SLC30A8: variants seen among roughly 807,000 people sequenced by gnomAD.
SLC30A8 encodes the protein solute carrier family 30 member 8.
A neutral mutation model predicts 36.9 loss-of-function variants in SLC30A8; 27 were observed. The observed-to-expected ratio is 0.73, with a 90% CI of 0.54 to 1.01. The LOEUF (loss-of-function observed/expected upper bound fraction) is 1.01. Ranked by LOEUF, SLC30A8 falls within the 50% of genes least tolerant of loss-of-function variation. The pLI is 0.00. For missense variants in SLC30A8, 439 were observed against 452.0 expected, an observed-to-expected ratio of 0.97 and a Z score of 0.26; for synonymous variants, 164 against 172.4, an observed-to-expected ratio of 0.95 and a Z score of 0.38.
chr8:117,038,616 A>G lies in SLC30A8; in HGVS notation c.-265-603A>G, dbSNP rs115860250. Among the ~76,000 whole-genome samples, 988 of 152,330 alleles carry G rather than the reference A, an allele frequency of 6.5e-3. 17 individuals carry two copies. Among genetic ancestry groups the G allele is most frequent in the African/African-American group, 0.023 (937 of 41,564 alleles). Reference sequence around the variant, plus strand: ...CATCCGTAGATCATTGTGCATGTGGACATAGCTGTAGAAAAAAATCACTAG... The same window carrying G: ...CATCCGTAGATCATTGTGCATGTGGGCATAGCTGTAGAAAAAAATCACTAG... On this transcript the variant is annotated intron_variant, in intron 1 of 10. Coordinates refer to the SLC30A8 transcript ENST00000427715.
chr8:117,061,962 T>A (rs989708554), intron 2 of SLC30A8, among the ~76,000 whole-genome samples: 2 of 152,218 alleles, frequency 1.3e-5, no homozygotes, highest in African/African-American at 4.8e-5. Context: ...CAGGGTGTTA[T>A]GTTATTGAGA....
At chr8:116,975,163 A>G (rs1490999157) in intron 1 of SLC30A8, among the ~76,000 whole-genome samples, 1 of 152,138 alleles carries the variant, frequency 6.6e-6, no homozygotes, top group Non-Finnish European at 1.5e-5. Flanking sequence ...CATTGTGCAC[A>G]TGTACCCTAG....
At chr8:117,049,338 G>C (rs774947696) in intron 2 of SLC30A8, among the ~76,000 whole-genome samples, 7 of 152,186 alleles carry the variant, frequency 4.6e-5, no homozygotes, top group Non-Finnish European at 1.0e-4. Flanking sequence ...TGTATACGTA[G>C]TTACAGAAAC....
chr8:117,120,718 G>C (rs778215286), intron 2 of SLC30A8, among the ~76,000 whole-genome samples: 8 of 151,626 alleles, frequency 5.3e-5, no homozygotes, highest in Non-Finnish European at 1.0e-4. Context: ...CTGATATGGG[G>C]TTAATATCTA....
intron 2 of SLC30A8, among the ~76,000 whole-genome samples, chr8:117,051,420 C>T (rs1054794194): frequency 6.6e-6 from 1 of 152,170 alleles, no homozygotes; most frequent in Non-Finnish European, 1.5e-5. Flanking sequence ...ATGGGAGATG[C>T]TTGGGTCAAG....
Position 117,174,571 on chromosome 8 carries a change from T to C in SLC30A8, c.*1890T>C, listed in dbSNP as rs1428420109. 6.6e-6 allele frequency: 1 copy of C among 152,574 alleles called. No individual in the cohort carries two copies. Among genetic ancestry groups the C allele is most frequent in the Non-Finnish European group, 1.5e-5 (1 of 68,020 alleles). 9.5% of individuals were successfully genotyped at this position (152,574 alleles called of 1,614,324 possible). ...ATGGTTTATGCCAAATCACTTTTCC[T>C]GTCTGAAGGACCACTGAATGGTTTT... On this transcript the variant is annotated 3_prime_UTR_variant, in exon 8 of 8. Coordinates refer to ENST00000456015, the MANE Select transcript of SLC30A8 (RefSeq NM_173851.3).
intron 1 of SLC30A8, among the ~76,000 whole-genome samples, chr8:116,965,532 T>A (rs1376921680): frequency 6.6e-6 from 1 of 152,228 alleles, no homozygotes; most frequent in Non-Finnish European, 1.5e-5. Context: ...TTCTGTTCTT[T>A]GAGATCCAGA....
At chr8:117,035,378 C>T (rs1817181115) in intron 1 of SLC30A8, among the ~76,000 whole-genome samples, 1 of 152,222 alleles carries the variant, frequency 6.6e-6, no homozygotes, top group South Asian at 2.1e-4. Context: ...AGTCTGAAAC[C>T]CAGCAGGGCC....
intron 2 of SLC30A8, among the ~76,000 whole-genome samples, chr8:117,044,833 T>TA (rs1817497324): frequency 6.6e-6 from 1 of 152,318 alleles, no homozygotes; most frequent in East Asian, 1.9e-4. Flanking sequence ...GTGGGGGAAA[T>TA]ACTGCTGCAG....
intron 1 of SLC30A8, among the ~76,000 whole-genome samples, chr8:117,038,865 C>G (rs1337082570): frequency 6.6e-6 from 1 of 152,124 alleles, no homozygotes; most frequent in African/African-American, 2.4e-5. Context: ...CACAACCATC[C>G]CACAAGTGTT....
chr8:117,035,706 C>T (rs1046451106), intron 1 of SLC30A8, among the ~76,000 whole-genome samples: 12 of 152,244 alleles, frequency 7.9e-5, no homozygotes, highest in Non-Finnish European at 1.5e-4. Flanking sequence ...AACCCTGCAG[C>T]AGACTTCTGC....
At chr8:116,951,475 T>G (rs1471877810) in intron 1 of SLC30A8, among the ~76,000 whole-genome samples, 2 of 152,274 alleles carry the variant, frequency 1.3e-5, no homozygotes, top group Middle Eastern at 3.4e-3. Context: ...CCAAAACGCC[T>G]TCTCTCTTGT....
chr8:117,048,901 G>C (rs889782678), intron 2 of SLC30A8, among the ~76,000 whole-genome samples: 7 of 152,146 alleles, frequency 4.6e-5, no homozygotes, highest in African/African-American at 1.7e-4. Flanking sequence ...GTAAGCATGA[G>C]CACAGCAGGA....
intron 1 of SLC30A8, among the ~76,000 whole-genome samples, chr8:116,989,667 A>G (rs773606035): frequency 6.6e-6 from 1 of 152,254 alleles, no homozygotes; most frequent in Non-Finnish European, 1.5e-5. Flanking sequence ...GAATGTGGAT[A>G]TATCAGAAGG....
intron 2 of SLC30A8, among the ~76,000 whole-genome samples, chr8:117,068,990 C>T (rs1050973272): frequency 3.3e-5 from 5 of 152,158 alleles, no homozygotes; most frequent in Non-Finnish European, 5.9e-5. Flanking sequence ...ACCCAAAATT[C>T]CTCCAAAATG....
intron 7 of SLC30A8, 110 bp downstream of exon 7, chr8:117,171,278 C>T: frequency 4.8e-6 from 6 of 1,245,322 alleles, no homozygotes; most frequent in Non-Finnish European, 5.8e-6. Flanking sequence ...CTTGTCAAAA[C>T]ATTATAAAGT....
At chr8:116,988,044 C>T (rs886198571) in intron 1 of SLC30A8, among the ~76,000 whole-genome samples, 1 of 152,108 alleles carries the variant, frequency 6.6e-6, no homozygotes, top group Admixed American at 6.5e-5. Context: ...GGTGGATGCT[C>T]TCTTCCCCTC....
chr8:117,176,007 T>C lies in SLC30A8; in HGVS notation c.*3326T>C, dbSNP rs963420183. ...ATTAATAAAAAGAACAACTGTCCAG[T>C]GCAATGAAGGCAAAGTCATAGGTCT... On this transcript the variant is annotated 3_prime_UTR_variant, in exon 8 of 8. Transcript: ENST00000456015. 51 of 152,226 alleles carry C rather than the reference T, an allele frequency of 3.4e-4. No homozygotes were observed. The highest frequency in any genetic ancestry group is 1.2e-3 in the African/African-American group (50 of 41,564). 9.4% of individuals were successfully genotyped at this position (152,226 alleles called of 1,614,324 possible). A position where few individuals can be genotyped will look rare whatever the true frequency, so the allele number is the denominator to read the frequency against.
chr8:117,129,573 T>G (rs577789881), intron 2 of SLC30A8, among the ~76,000 whole-genome samples: 1 of 152,148 alleles, frequency 6.6e-6, no homozygotes, highest in South Asian at 2.1e-4. Context: ...TTCTAACAAC[T>G]CTTATTAAAA....
Sources: gnomAD v4.1 joint callset for allele counts (sites outside exome capture counted in the v4.1 genomes callset) on GRCh38, gnomAD v4.1.1 for gene constraint, MANE v1.5 for transcripts, NCBI Gene and HGNC (gene_info 2026-07-23, HGNC 2026-07-21) for gene names.